PDE10A: variants seen among roughly 807,000 people sequenced by gnomAD.
PDE10A encodes cAMP and cAMP-inhibited cGMP 3',5'-cyclic phosphodiesterase 10A.
Under a neutral mutation model 97.7 loss-of-function variants are expected in PDE10A, and 39 were observed. The observed-to-expected ratio is 0.40, with a 90% CI of 0.31 to 0.52. The LOEUF (loss-of-function observed/expected upper bound fraction) is 0.52, where lower values mean the gene tolerates loss of function less well. Among genes scored for constraint, PDE10A ranks in the 20% least tolerant of loss-of-function variants. PDE10A has a pLI of 0.56. For synonymous variants in PDE10A, 371 were observed against 376.8 expected (o/e 0.98, Z 0.18); for missense variants, 731 against 1,047.8 (o/e 0.70, Z 4.17).
At position 165,388,370 on chromosome 6, in the gene PDE10A, G is replaced by A; in HGVS notation, c.2538C>T (p.His846=). The change falls in exon 17 of 22, where the codon CAC becomes CAT. Residue 846 remains histidine, a synonymous_variant. Coordinates refer to ENST00000539869, the MANE Select transcript of PDE10A (RefSeq NM_001385079.1). The surrounding 1 kb of genome is among the most constrained non-coding windows in gnomAD (Gnocchi z 4.0). ...AAGTGGAGTAGAGAGCGGCCAGAGG[G>A]TGGTCGAACTTCTGCAGGTAGCTGT... is the stretch of plus-strand genomic sequence containing the variant. ...FSNSYLQKFD[H]PLAALYSTST... 1.2e-6 allele frequency: 2 copies of A among 1,614,090 alleles called. No homozygotes were observed. The highest frequency in any genetic ancestry group is 1.7e-6 in the Non-Finnish European group (2 of 1,179,960).
chr6:165,381,753 T>C (rs1484329334), intron 17 of PDE10A, among the ~76,000 whole-genome samples: 1 of 151,340 alleles, frequency 6.6e-6, no homozygotes, highest in Admixed American at 6.6e-5. Context: ...AGTGCTGGGA[T>C]TACAGACGTG....
intron 1 of PDE10A, among the ~76,000 whole-genome samples, chr6:165,792,162 C>T (rs150152285): frequency 4.6e-4 from 70 of 152,318 alleles, no homozygotes; most frequent in African/African-American, 1.4e-3. Flanking sequence ...CTGCAATGTT[C>T]GCCCCTGCCC....
intron 1 of PDE10A, among the ~76,000 whole-genome samples, chr6:165,936,490 G>A (rs1783334792): frequency 6.6e-6 from 1 of 152,196 alleles, no homozygotes; most frequent in Non-Finnish European, 1.5e-5. Context: ...AGATGGTCAC[G>A]AGGGTCAAAT....
At chr6:165,659,038 C>T (rs1290356413) in intron 1 of PDE10A, among the ~76,000 whole-genome samples, 1 of 152,128 alleles carries the variant, frequency 6.6e-6, no homozygotes, top group African/African-American at 2.4e-5. Context: ...GGTCCTGGGT[C>T]CTGGCGGTAG....
chr6:165,553,436 A>G (rs191471523), intron 1 of PDE10A, among the ~76,000 whole-genome samples: 1 of 152,304 alleles, frequency 6.6e-6, no homozygotes, highest in African/African-American at 2.4e-5. Context: ...ACAGGAAGCA[A>G]ACTAAAAACA....
At chr6:165,854,754 G>A (rs1780672303) in intron 1 of PDE10A, among the ~76,000 whole-genome samples, 1 of 152,198 alleles carries the variant, frequency 6.6e-6, no homozygotes, top group South Asian at 2.1e-4. Flanking sequence ...GGGTCCGGGA[G>A]GAGGGCAGCT....
chr6:165,416,167 G>A (rs772214149), intron 12 of PDE10A, 22 bp downstream of exon 12: 1 of 1,450,098 alleles, frequency 6.9e-7, no homozygotes, highest in Non-Finnish European at 9.7e-7. Context: ...TCAATGGAGT[G>A]TCGACATCAG....
At chr6:165,874,688 A>T (rs992756502) in intron 1 of PDE10A, among the ~76,000 whole-genome samples, 23 of 152,206 alleles carry the variant, frequency 1.5e-4, no homozygotes, top group African/African-American at 5.1e-4. Flanking sequence ...ATTATTCACA[A>T]TTGAAATTGG....
At chr6:165,575,731 C>G (rs1272297963) in intron 1 of PDE10A, among the ~76,000 whole-genome samples, 1 of 152,200 alleles carries the variant, frequency 6.6e-6, no homozygotes, top group African/African-American at 2.4e-5. Flanking sequence ...GTCCTTAATT[C>G]TAATTCATGT....
intron 1 of PDE10A, among the ~76,000 whole-genome samples, chr6:165,943,525 C>G (rs912696289): frequency 3.6e-4 from 55 of 152,120 alleles, no homozygotes; most frequent in African/African-American, 1.3e-3. Flanking sequence ...GCCTGAGAAC[C>G]TGGGAAGCCA....
At chr6:165,843,216 A>C (rs1196587479) in intron 1 of PDE10A, among the ~76,000 whole-genome samples, 1 of 152,212 alleles carries the variant, frequency 6.6e-6, no homozygotes. Context: ...ACTGCACAGC[A>C]ACAGAATCTG....
In PDE10A at chr6:165,608,064, A is replaced by G. The variant is rs144559240; in HGVS notation, c.865+53883T>C. Among the ~76,000 whole-genome samples, 83 of 146,414 alleles carry G rather than the reference A, an allele frequency of 5.7e-4. No individual in the cohort carries two copies. The East Asian group carries it at 0.012, about 20-fold the overall frequency. On this transcript the variant is annotated intron_variant, in intron 1 of 21. Transcript: ENST00000539869. ...TATTGCTTTTCTTGTATATATATGT[A>G]TATATATATGTATATATGTATATAT... is the stretch of plus-strand genomic sequence containing the variant.
chr6:165,747,405 T>C (rs1792867859), intron 1 of PDE10A, among the ~76,000 whole-genome samples: 1 of 152,184 alleles, frequency 6.6e-6, no homozygotes. Context: ...GTGTTCAAAA[T>C]GCCTTGCTCA....
At chr6:165,613,622 C>A (rs572029333) in intron 1 of PDE10A, among the ~76,000 whole-genome samples, 3 of 152,260 alleles carry the variant, frequency 2.0e-5, no homozygotes, top group African/African-American at 7.2e-5. Flanking sequence ...CCCCGGGTGA[C>A]AGAGCAAGAC....
chr6:165,448,969 C>A lies in PDE10A; in HGVS notation c.1153G>T (p.Ala385Ser). The change falls in exon 5 of 22, where the codon GCC becomes TCC. Residue 385 changes from alanine to serine, a missense_variant. Ala to Ser is a moderately conservative substitution (Grantham distance 99). Coordinates refer to ENST00000539869, the MANE Select transcript of PDE10A (RefSeq NM_001385079.1). Reference sequence around the variant, plus strand: ...AGGAAATACAGTGCAAATCCATCGGCTTTTGTGGCTGCCAAAGTAATAAGA... The same window carrying A: ...AGGAAATACAGTGCAAATCCATCGGATTTTGTGGCTGCCAAAGTAATAAGA... ...LSSIIKIATK[A>S]DGFALYFLGE... The A allele has an allele frequency of 6.2e-7, 1 of 1,612,612 alleles. No individual in the cohort carries two copies. Among genetic ancestry groups the A allele is most frequent in the Non-Finnish European group, 8.5e-7 (1 of 1,178,822 alleles).
intron 9 of PDE10A, among the ~76,000 whole-genome samples, chr6:165,429,592 C>T (rs185376341): frequency 3.9e-5 from 6 of 152,076 alleles, no homozygotes; most frequent in Admixed American, 3.9e-4. Context: ...TTGCTGGAGG[C>T]CACAGAGGAA....
chr6:165,792,628 G>T (rs1411404470), intron 1 of PDE10A, among the ~76,000 whole-genome samples: 1 of 152,010 alleles, frequency 6.6e-6, no homozygotes, highest in Non-Finnish European at 1.5e-5. Context: ...TCAGTCCTGG[G>T]TGACTCCTCC....
At chr6:165,420,704 C>T (rs9459416) in intron 10 of PDE10A, among the ~76,000 whole-genome samples, 98,217 of 152,060 alleles carry the variant, frequency 0.65, 32,838 homozygotes, top group African/African-American at 0.83. Context: ...TTAGAAAGTG[C>T]TGAAAAATAT....
intron 1 of PDE10A, among the ~76,000 whole-genome samples, chr6:165,587,527 C>A (rs757672877): frequency 2.6e-5 from 4 of 152,114 alleles, no homozygotes; most frequent in African/African-American, 4.8e-5. Flanking sequence ...ATTGTTTCAT[C>A]TTATTAACAT....
Sources: allele counts gnomAD v4.1 joint callset (sites outside exome capture counted in the v4.1 genomes callset), GRCh38; gene constraint gnomAD v4.1.1; non-coding constraint Gnocchi (gnomAD v3.1); transcripts MANE v1.5; gene names NCBI Gene and HGNC (gene_info 2026-07-23, HGNC 2026-07-21).